Variants in GSK3B observed in about 807,000 individuals in gnomAD.
GSK3B encodes glycogen synthase kinase-3 beta.
GSK3B carries 15 observed loss-of-function variants against 56.4 expected under a neutral mutation model. That is an observed-to-expected ratio of 0.27 (90% CI 0.18 to 0.41). GSK3B has a LOEUF of 0.41. Ranked by LOEUF, GSK3B falls within the 10% of genes least tolerant of loss-of-function variation. The pLI is 1.00. For missense variants in GSK3B, 300 were observed against 513.4 expected (o/e 0.58, Z 4.02); for synonymous variants, 181 against 188.9 (o/e 0.96, Z 0.34).
At chr3:119,861,355 AC>A (rs1209750569) in intron 9 of GSK3B, among the ~76,000 whole-genome samples, 5 of 152,056 alleles carry the variant, frequency 3.3e-5, no homozygotes, top group Non-Finnish European at 1.5e-5. Flanking sequence ...TACTGAAAAT[AC>A]AAAAATTAGC....
At chr3:119,873,534 T>C (rs568545995) in intron 8 of GSK3B, among the ~76,000 whole-genome samples, 4 of 152,116 alleles carry the variant, frequency 2.6e-5, no homozygotes, top group Non-Finnish European at 4.4e-5. Context: ...TTGGAGGACA[T>C]TCTATATGGT....
chr3:119,959,875 G>T (rs2057254818), intron 2 of GSK3B, among the ~76,000 whole-genome samples: 1 of 151,926 alleles, frequency 6.6e-6, no homozygotes, highest in Admixed American at 6.6e-5. Flanking sequence ...AATCTGTCAA[G>T]AAATCCTGTT....
chr3:120,062,798 A>C (rs1266340445), intron 1 of GSK3B, among the ~76,000 whole-genome samples: 2 of 152,220 alleles, frequency 1.3e-5, no homozygotes, highest in African/African-American at 4.8e-5. Context: ...TTTAGTATTA[A>C]ACCATAATTG....
Position 119,914,590 on chromosome 3 carries a change from A to G in GSK3B, c.608+1454T>C, listed in dbSNP as rs184894184. On this transcript the variant is annotated intron_variant, in intron 5 of 10. Coordinates refer to ENST00000264235, the MANE Select transcript of GSK3B (RefSeq NM_001146156.2). ...CAAGTAGTAGTGCTTTGTTTCAAAC[A>G]CCAGGTAAGAGTTTTACTATCTTTC... Among the ~76,000 whole-genome samples, 6 of 152,174 alleles carry G rather than the reference A, an allele frequency of 3.9e-5. No homozygotes were observed. The East Asian group carries it at 1.2e-3, about 29-fold the overall frequency.
chr3:119,846,222 T>C (rs1405139488), intron 9 of GSK3B, among the ~76,000 whole-genome samples: 1 of 152,086 alleles, frequency 6.6e-6, no homozygotes, highest in Non-Finnish European at 1.5e-5. Context: ...GCAATATCAT[T>C]CAGGATATAG....
At chr3:119,889,444 T>A (rs1403008645) in intron 7 of GSK3B, among the ~76,000 whole-genome samples, 7 of 152,180 alleles carry the variant, frequency 4.6e-5, no homozygotes, top group Non-Finnish European at 8.8e-5. Context: ...GGAAATACTG[T>A]CACACGGTTC....
rs1473421501 is a variant in GSK3B, at chr3:119,890,613, T to C, written c.814-14105A>G. 2.0e-5 allele frequency among the ~76,000 whole-genome samples: 3 copies of C among 152,164 alleles called. No individual in the cohort carries two copies. The East Asian group carries it at 5.8e-4, about 29-fold the overall frequency. ...ATAAAAAGAAACATTTTTAGGGTGATAGAAATGTTCTAAATCTTGACCAGG... is the reference window on the plus strand; with the variant it reads ...ATAAAAAGAAACATTTTTAGGGTGACAGAAATGTTCTAAATCTTGACCAGG... On this transcript the variant is annotated intron_variant, in intron 7 of 10. Transcript: ENST00000264235.
At chr3:120,035,495 G>A (rs1279073847) in intron 1 of GSK3B, among the ~76,000 whole-genome samples, 1 of 152,196 alleles carries the variant, frequency 6.6e-6, no homozygotes, top group African/African-American at 2.4e-5. Flanking sequence ...TGTGCAAAGG[G>A]CAATTGGAAC....
intron 7 of GSK3B, among the ~76,000 whole-genome samples, chr3:119,893,714 T>A (rs2056529722): frequency 2.0e-5 from 3 of 152,112 alleles, no homozygotes; most frequent in African/African-American, 7.2e-5. Flanking sequence ...GTTGATCAGC[T>A]CTCCTTCCCT....
chr3:120,042,751 T>C (rs1031948889), intron 1 of GSK3B, among the ~76,000 whole-genome samples: 1 of 152,166 alleles, frequency 6.6e-6, no homozygotes, highest in Non-Finnish European at 1.5e-5. Flanking sequence ...AAACATTAAA[T>C]GAAAATATCA....
intron 2 of GSK3B, among the ~76,000 whole-genome samples, chr3:119,976,786 T>A (rs6777949): frequency 0.04 from 3,721 of 93,018 alleles, 32 homozygotes; most frequent in South Asian, 0.078. Context: ...AAAAAAAAAA[T>A]AGAAAGGTTT....
At chr3:119,846,549 C>T (rs974230959) in intron 9 of GSK3B, among the ~76,000 whole-genome samples, 5 of 152,276 alleles carry the variant, frequency 3.3e-5, no homozygotes, top group East Asian at 1.9e-4. Flanking sequence ...AGCTCATCAT[C>T]GCTGATTATT....
chr3:120,086,482 C>A (rs2058464154), intron 1 of GSK3B, among the ~76,000 whole-genome samples: 2 of 152,174 alleles, frequency 1.3e-5, no homozygotes, highest in African/African-American at 4.8e-5. Context: ...GATTTTTCTG[C>A]CTCCTGCCTC....
intron 2 of GSK3B, among the ~76,000 whole-genome samples, chr3:119,974,551 T>C (rs1216598708): frequency 1.3e-5 from 2 of 152,192 alleles, no homozygotes; most frequent in Admixed American, 1.3e-4. Context: ...AGACACTGAA[T>C]CTGCCAGTGA....
intron 4 of GSK3B, among the ~76,000 whole-genome samples, chr3:119,920,924 CAA>C (rs1233854328): frequency 6.6e-6 from 1 of 152,154 alleles, no homozygotes; most frequent in East Asian, 1.9e-4. Flanking sequence ...GACCCAGAAA[CAA>C]TAACCAATCC....
chr3:119,901,612 T>G (rs992455418), intron 7 of GSK3B, among the ~76,000 whole-genome samples: 1 of 152,206 alleles, frequency 6.6e-6, no homozygotes. Flanking sequence ...CATGGACATC[T>G]GAGTCAATAA....
chr3:120,061,901 T>G (rs2058239982), intron 1 of GSK3B, among the ~76,000 whole-genome samples: 1 of 151,874 alleles, frequency 6.6e-6, no homozygotes, highest in South Asian at 2.1e-4. Flanking sequence ...CGCAGCTAAT[T>G]TTGTACTTTT....
intron 10 of GSK3B, among the ~76,000 whole-genome samples, chr3:119,828,367 CAGAGAAGGTA>C (rs2055548225): frequency 1.3e-5 from 2 of 152,164 alleles, no homozygotes; most frequent in African/African-American, 2.4e-5. Flanking sequence ...CTCTTAATGA[CAGAGAAGGTA>C]CTGCTGGCCA....
chr3:120,025,320 G>A (rs935370855), intron 1 of GSK3B, among the ~76,000 whole-genome samples: 15 of 152,106 alleles, frequency 9.9e-5, no homozygotes, highest in Admixed American at 9.8e-4. Context: ...CTGGAGGGCT[G>A]TTTTTTAGCC....
Sources: gnomAD v4.1 joint callset for allele counts (sites outside exome capture counted in the v4.1 genomes callset) on GRCh38, gnomAD v4.1.1 for gene constraint, MANE v1.5 for transcripts, NCBI Gene and HGNC (gene_info 2026-07-23, HGNC 2026-07-21) for gene names.